The following CSMD1 variants were observed in gnomAD, a reference collection of about 807,000 sequenced individuals.
The protein encoded by CSMD1 is CUB and sushi domain-containing protein 1.
Under a neutral mutation model 417.5 loss-of-function variants are expected in CSMD1, and 213 were observed. That is an observed-to-expected ratio of 0.51 (90% CI 0.46 to 0.57). The LOEUF (loss-of-function observed/expected upper bound fraction) is 0.57. Ranked by LOEUF, CSMD1 falls within the 20% of genes least tolerant of loss-of-function variation. The pLI is 0.00. For missense variants in CSMD1, 6,923 were observed against 4,529.7 expected, an observed-to-expected ratio of 1.53 and a Z score of -15.17; for synonymous variants, 2,862 against 1,736.8, an observed-to-expected ratio of 1.65 and a Z score of -16.11.
chr8:3,566,305 A>G (rs1799705638), intron 10 of CSMD1, among the ~76,000 whole-genome samples: 1 of 152,178 alleles, frequency 6.6e-6, no homozygotes, highest in Non-Finnish European at 1.5e-5. Flanking sequence ...TATTTGGCAA[A>G]TAATATTCTA....
chr8:2,963,035 G>C (rs1213055233), intron 60 of CSMD1, among the ~76,000 whole-genome samples, 187 bp downstream of exon 60: 1 of 152,176 alleles, frequency 6.6e-6, no homozygotes, highest in Non-Finnish European at 1.5e-5. Flanking sequence ...GCAACAGAGT[G>C]AGGACCTGTC....
At chr8:4,878,938 G>A (rs1326797438) in intron 1 of CSMD1, among the ~76,000 whole-genome samples, 1 of 151,798 alleles carries the variant, frequency 6.6e-6, no homozygotes, top group Non-Finnish European at 1.5e-5. Flanking sequence ...ACGACAAGGT[G>A]AAGAGGACCT....
At chr8:3,780,696 G>GCCCA (rs1563072858) in intron 5 of CSMD1, among the ~76,000 whole-genome samples, 1 of 152,194 alleles carries the variant, frequency 6.6e-6, no homozygotes, top group African/African-American at 2.4e-5. Context: ...GGCAGAAAGA[G>GCCCA]CCCAGCCTGG....
chr8:4,577,406 G>A (rs1016012790), intron 2 of CSMD1, among the ~76,000 whole-genome samples: 2 of 152,018 alleles, frequency 1.3e-5, no homozygotes, highest in Admixed American at 6.6e-5. Flanking sequence ...CTCAAGTCGG[G>A]GAAATGTTCT....
intron 10 of CSMD1, among the ~76,000 whole-genome samples, chr8:3,532,638 C>T (rs553900089): frequency 6.6e-6 from 1 of 152,134 alleles, no homozygotes; most frequent in Non-Finnish European, 1.5e-5. Context: ...ATTTTACATT[C>T]TATTACTCTG....
chr8:4,263,410 T>C (rs1804022054), intron 3 of CSMD1, among the ~76,000 whole-genome samples: 1 of 152,310 alleles, frequency 6.6e-6, no homozygotes, highest in South Asian at 2.1e-4. Context: ...TCTATTACAT[T>C]CAGGTAAACA....
chr8:3,137,355 T>G (rs148768686), intron 41 of CSMD1, among the ~76,000 whole-genome samples: 1 of 152,348 alleles, frequency 6.6e-6, no homozygotes, highest in East Asian at 1.9e-4. Flanking sequence ...TCCGAAAATG[T>G]ATATGCAGCA....
intron 1 of CSMD1, among the ~76,000 whole-genome samples, chr8:4,744,608 T>C (rs1810830773): frequency 6.6e-6 from 1 of 152,188 alleles, no homozygotes; most frequent in African/African-American, 2.4e-5. Context: ...TAGCAAAAAT[T>C]AGCCATTTTC....
In CSMD1 at chr8:4,179,893, A is replaced by G. The variant is rs554311806; in HGVS notation, c.416-147794T>C. Among the ~76,000 whole-genome samples, 1,254 of 152,290 alleles carry G rather than the reference A, an allele frequency of 8.2e-3. 10 individuals are homozygous for G. The highest frequency in any genetic ancestry group is 0.026 in the South Asian group (123 of 4,818). ...CCACAATGAGATACCATCTCACACC[A>G]GTTAGAATGGCGATCATTAAAAAGT... On this transcript the variant is annotated intron_variant, in intron 3 of 69. Transcript: ENST00000635120.
intron 3 of CSMD1, among the ~76,000 whole-genome samples, chr8:4,378,670 C>T (rs565434412): frequency 2.0e-5 from 3 of 152,322 alleles, no homozygotes; most frequent in Non-Finnish European, 4.4e-5. Flanking sequence ...TAATCATCCC[C>T]TTCCTGTCCC....
chr8:3,266,964 G>A (rs1301648068), intron 26 of CSMD1, among the ~76,000 whole-genome samples: 1 of 152,098 alleles, frequency 6.6e-6, no homozygotes, highest in Non-Finnish European at 1.5e-5. Flanking sequence ...ATAAAATTTT[G>A]CTCTAAAAGG....
At chr8:4,359,586 G>A (rs1801634153) in intron 3 of CSMD1, among the ~76,000 whole-genome samples, 2 of 152,180 alleles carry the variant, frequency 1.3e-5, no homozygotes, top group Admixed American at 6.5e-5. Flanking sequence ...ATTACATGGT[G>A]TTCTAAAAGA....
intron 3 of CSMD1, among the ~76,000 whole-genome samples, chr8:4,206,403 T>C (rs55714590): frequency 1.3e-5 from 2 of 152,262 alleles, no homozygotes; most frequent in East Asian, 1.9e-4. Flanking sequence ...CTCCAACTGT[T>C]CAGTTCCCAC....
chr8:3,901,430 T>C (rs1363302190), intron 5 of CSMD1, among the ~76,000 whole-genome samples: 1 of 152,256 alleles, frequency 6.6e-6, no homozygotes, highest in African/African-American at 2.4e-5. Context: ...CTGATGCATT[T>C]TTTGGTCTTA....
intron 3 of CSMD1, among the ~76,000 whole-genome samples, chr8:4,222,613 C>G (rs1198682270): frequency 1.3e-5 from 2 of 152,192 alleles, no homozygotes; most frequent in Non-Finnish European, 2.9e-5. Flanking sequence ...GCTGCTCCCA[C>G]AAATCAAGAA....
chr8:3,278,176 C>T (rs6986171), intron 26 of CSMD1, among the ~76,000 whole-genome samples: 97,402 of 151,960 alleles, frequency 0.64, 31,320 homozygotes, highest in Admixed American at 0.66. Flanking sequence ...TGAAAAACAA[C>T]TGAAGAAAGA....
At chr8:3,241,325 G>C (rs1179194421) in intron 26 of CSMD1, among the ~76,000 whole-genome samples, 2 of 151,582 alleles carry the variant, frequency 1.3e-5, no homozygotes, top group Non-Finnish European at 2.9e-5. Context: ...ATGGAGGCAA[G>C]GGAAACAGGT....
chr8:3,712,269 C>T (rs187270932), intron 6 of CSMD1, among the ~76,000 whole-genome samples: 4 of 152,086 alleles, frequency 2.6e-5, no homozygotes, highest in East Asian at 1.9e-4. Context: ...TCTCCCCACA[C>T]GTTTTTTGGG....
intron 12 of CSMD1, among the ~76,000 whole-genome samples, chr8:3,432,980 T>C (rs1814316206): frequency 6.6e-6 from 1 of 152,166 alleles, no homozygotes; most frequent in South Asian, 2.1e-4. Flanking sequence ...GTTCTTCCAG[T>C]AGCAGATGGC....
Sources: allele counts gnomAD v4.1 joint callset (sites outside exome capture counted in the v4.1 genomes callset), GRCh38; gene constraint gnomAD v4.1.1; transcripts MANE v1.5; gene names NCBI Gene and HGNC (gene_info 2026-07-23, HGNC 2026-07-21).